IL4I1: variants seen among roughly 807,000 people sequenced by gnomAD.
IL4I1 encodes L-amino-acid oxidase.
Under a neutral mutation model 29.7 loss-of-function variants are expected in IL4I1, and 24 were observed. The ratio of observed to expected loss-of-function variants is 0.81; its 90% CI spans 0.59 to 1.14. The LOEUF (loss-of-function observed/expected upper bound fraction) is 1.14. Among genes scored for constraint, IL4I1 ranks in the 50% most tolerant of loss-of-function variants. IL4I1 has a pLI of 0.00. For missense variants in IL4I1, 686 were observed against 785.6 expected (o/e 0.87, Z 1.52); for synonymous variants, 371 against 352.5 (o/e 1.05, Z -0.59).
intron 6 of IL4I1, 90 bp from the exon 7 acceptor site, chr19:49,891,197 C>A: frequency 6.5e-7 from 1 of 1,544,828 alleles, no homozygotes; most frequent in South Asian, 1.2e-5. Flanking sequence ...GGTCCCATGA[C>A]ATGTCCTTGG....
intron 2 of IL4I1, chr19:49,909,610 A>G (rs1006688210): frequency 3.7e-6 from 6 of 1,613,320 alleles, no homozygotes; most frequent in Non-Finnish European, 5.1e-6. Flanking sequence ...GTGTGGCCGG[A>G]GTCTGGGTGG....
At chr19:49,908,206 C>G in intron 2 of IL4I1, 2 of 1,608,882 alleles carry the variant, frequency 1.2e-6, no homozygotes, top group Non-Finnish European at 1.7e-6. Context: ...CATGAACTCC[C>G]TAGGGACCTG....
chr19:49,898,392 A>G (rs1161103745), upstream of IL4I1, among the ~76,000 whole-genome samples: 4 of 152,268 alleles, frequency 2.6e-5, no homozygotes, highest in Admixed American at 1.3e-4. Flanking sequence ...TAATCCTAGC[A>G]CTTTGGGAGG....
At chr19:49,908,316 T>C (rs2075369109) in intron 2 of IL4I1, 1 of 1,613,874 alleles carries the variant, frequency 6.2e-7, no homozygotes, top group Admixed American at 1.7e-5. Flanking sequence ...TCCTCCACCT[T>C]CCTCTGCAGC....
chr19:49,892,870 G>A (rs1358195417), intron 5 of IL4I1, among the ~76,000 whole-genome samples: 5 of 152,152 alleles, frequency 3.3e-5, no homozygotes, highest in Non-Finnish European at 5.9e-5. Context: ...GGTGGGGAGG[G>A]GATGTTGGGT....
chr19:49,918,662 T>G (rs2075684880), intron 2 of IL4I1: 1 of 152,200 alleles, frequency 6.6e-6, no homozygotes, highest in South Asian at 2.1e-4. Context: ...TGGCTGTGTG[T>G]CTGTCAGCTC....
At chr19:49,893,737 C>T (rs1052521982) in intron 5 of IL4I1, among the ~76,000 whole-genome samples, 3 of 151,662 alleles carry the variant, frequency 2.0e-5, no homozygotes, top group Non-Finnish European at 2.9e-5. Flanking sequence ...GCCTGTAATC[C>T]CAGCACTTTG....
chr19:49,894,540 G>C, intron 4 of IL4I1, 71 bp from the exon 5 acceptor site: 2 of 846,158 alleles, frequency 2.4e-6, no homozygotes, highest in Non-Finnish European at 3.7e-6. Flanking sequence ...GGGACTTGGA[G>C]AAGAGGGGTG....
Position 49,907,537 on chromosome 19 carries a change from CTTTTT to C in IL4I1, c.-227-3221_-227-3217del, listed in dbSNP as rs4009637. ...CTAGGCTGCTGTCTCCTGGGAGTTT[CTTTTT>C]TTTTTTTTTTTTTTTTGAGACAGAG... On this transcript the variant is annotated intron_variant, in intron 2 of 9. Coordinates refer to the IL4I1 transcript ENST00000341114. 5.3e-3 allele frequency: 1,734 copies of C among 330,238 alleles called. 2 individuals carry two copies. The highest frequency in any genetic ancestry group is 0.019 in the Middle Eastern group (18 of 950). The allele number at this position is 330,238 out of a possible 1,614,324, so 20.5% of individuals were successfully genotyped here. A position where few individuals can be genotyped will look rare whatever the true frequency, so the allele number is the denominator to read the frequency against.
rs528961747 is a variant in IL4I1 at position 49,894,201 on chromosome 19, G to A, written c.567+67C>T. On this transcript the variant is annotated intron_variant, in intron 5 of 7. Coordinates refer to ENST00000391826, the MANE Select transcript of IL4I1 (RefSeq NM_152899.2). ...AGGGATGCCAGAGAGAAGAAAAGCC[G>A]GGCCGGGGCGAGCTTAGGAGGAGGA... 672 of 1,488,852 alleles carry A rather than the reference G, an allele frequency of 4.5e-4. 1 individual carries two copies. The East Asian group carries it at 6.9e-3, about 15-fold the overall frequency. 92.2% of individuals were successfully genotyped at this position (1,488,852 alleles called of 1,614,324 possible).
At chr19:49,919,932 ATT>A (rs973204115) in intron 2 of IL4I1, among the ~76,000 whole-genome samples, 3 of 149,862 alleles carry the variant, frequency 2.0e-5, no homozygotes, top group Non-Finnish European at 3.0e-5. Flanking sequence ...TTAAAAAAAA[ATT>A]TTTTTTTTTC....
At chr19:49,907,590 G>A (rs1156241753) in intron 2 of IL4I1, 3 of 410,612 alleles carry the variant, frequency 7.3e-6, no homozygotes, top group Non-Finnish European at 1.4e-5. Flanking sequence ...AGGCTGGAGT[G>A]CAGTGGTGTG....
chr19:49,896,208 G>C (rs2075208457), intron 1 of IL4I1, 26 bp from the exon 2 acceptor site: 6 of 1,485,026 alleles, frequency 4.0e-6, no homozygotes, highest in Non-Finnish European at 5.4e-6. Context: ...AGGGAGGGCT[G>C]TTGTGACTGA....
intron 5 of IL4I1, among the ~76,000 whole-genome samples, chr19:49,892,806 A>T (rs1360189653): frequency 6.6e-6 from 1 of 152,186 alleles, no homozygotes; most frequent in Admixed American, 6.5e-5. Context: ...AATGACCTGG[A>T]CATGGCCCCC....
chr19:49,903,491 G>C lies in IL4I1; in HGVS notation c.-105+708C>G, dbSNP rs187457639. On this transcript the variant is annotated intron_variant, in intron 3 of 9. Coordinates refer to the IL4I1 transcript ENST00000341114. ...CAGCCGGGGTCACTGAAACCTGGCTGGGGGGCTGGCTGCTGTGCAAGAAGC... is the reference window on the plus strand; with the variant it reads ...CAGCCGGGGTCACTGAAACCTGGCTCGGGGGCTGGCTGCTGTGCAAGAAGC... Among the ~76,000 whole-genome samples, 271 of 152,314 alleles carry C rather than the reference G, an allele frequency of 1.8e-3. 1 individual carries two copies. Among genetic ancestry groups the C allele is most frequent in the Admixed American group, 5.3e-3 (81 of 15,300 alleles).
rs777408365 is a variant in IL4I1 at position 49,909,263 on chromosome 19, G to A, written c.-227-4942C>T. 6 of 1,614,172 alleles carry A rather than the reference G, an allele frequency of 3.7e-6. No homozygotes were observed. The South Asian group carries it at 6.6e-5, about 18-fold the overall frequency. ...GAAGGGCAACGTGGCAGGTGCCGTG[G>A]GCTGGGCTGAATTCCCTGCTGAGCC... is the stretch of plus-strand genomic sequence containing the variant. On this transcript the variant is annotated intron_variant, in intron 2 of 9. Transcript: ENST00000341114.
intron 7 of IL4I1, 83 bp from the exon 8 acceptor site, chr19:49,890,683 G>T: frequency 8.5e-7 from 1 of 1,177,410 alleles, no homozygotes; most frequent in Non-Finnish European, 1.1e-6. Flanking sequence ...CACCCCGGCA[G>T]CTGGCCCTTA....
intron 2 of IL4I1, among the ~76,000 whole-genome samples, chr19:49,912,533 C>CTGATG (rs2075496964): frequency 6.6e-6 from 1 of 152,032 alleles, no homozygotes; most frequent in Non-Finnish European, 1.5e-5. Context: ...GATCTATTCA[C>CTGATG]AATGGTGAAC....
At chr19:49,911,754 T>G (rs534969287) in intron 2 of IL4I1, among the ~76,000 whole-genome samples, 13 of 152,294 alleles carry the variant, frequency 8.5e-5, no homozygotes, top group South Asian at 2.1e-4. Context: ...GGCTGTTAGC[T>G]CCACTAAGCC....
Sources: gnomAD v4.1 joint callset for allele counts (sites outside exome capture counted in the v4.1 genomes callset) on GRCh38, gnomAD v4.1.1 for gene constraint, MANE v1.5 for transcripts, NCBI Gene and HGNC (gene_info 2026-07-23, HGNC 2026-07-21) for gene names.